The following SCN11A variants were observed in gnomAD, a reference collection of about 807,000 sequenced individuals.
SCN11A encodes the protein sodium channel protein type 11 subunit alpha.
SCN11A carries 122 observed loss-of-function variants against 162.2 expected under a neutral mutation model. That is an observed-to-expected ratio of 0.75 (90% CI 0.65 to 0.87). The LOEUF (loss-of-function observed/expected upper bound fraction) is 0.87. Ranked by LOEUF, SCN11A falls within the 40% of genes least tolerant of loss-of-function variation. SCN11A has a pLI of 0.00. For synonymous variants in SCN11A, 758 were observed against 751.5 expected (o/e 1.01, Z -0.14); for missense variants, 2,015 against 2,181.6 (o/e 0.92, Z 1.52).
chr3:38,995,367 G>T (rs553932310), intron 2 of SCN11A, among the ~76,000 whole-genome samples: 2 of 152,244 alleles, frequency 1.3e-5, no homozygotes, highest in East Asian at 3.9e-4. Flanking sequence ...TGATCCACCT[G>T]CCTCGGCCTC....
At chr3:38,924,739 C>A (rs2066110432) in intron 9 of SCN11A, among the ~76,000 whole-genome samples, 1 of 152,024 alleles carries the variant, frequency 6.6e-6, no homozygotes, top group South Asian at 2.1e-4. Flanking sequence ...AAACTCCTGG[C>A]CTCAAGTTAT....
At chr3:38,936,125 A>G (rs1383163938) in intron 7 of SCN11A, among the ~76,000 whole-genome samples, 3 of 151,658 alleles carry the variant, frequency 2.0e-5, no homozygotes, top group Non-Finnish European at 4.4e-5. Context: ...AAACCACATG[A>G]TTATCTCAAT....
intron 7 of SCN11A, among the ~76,000 whole-genome samples, chr3:38,935,033 G>A (rs369070461): frequency 0.066 from 9,997 of 151,546 alleles, 1,072 homozygotes; most frequent in African/African-American, 0.22. Context: ...ACTGTCTCTC[G>A]GACCACAGTG....
chr3:39,051,114 T>C (rs139577487), intron 1 of SCN11A, among the ~76,000 whole-genome samples: 1 of 149,692 alleles, frequency 6.7e-6, no homozygotes, highest in Non-Finnish European at 1.5e-5. Flanking sequence ...AACATCTTTT[T>C]GTCTTGTTTT....
intron 2 of SCN11A, among the ~76,000 whole-genome samples, chr3:38,985,168 C>A (rs2030191741): frequency 6.9e-6 from 1 of 144,340 alleles, no homozygotes; most frequent in African/African-American, 2.7e-5. Flanking sequence ...TGCTCTGTTG[C>A]CCAGGCTGGA....
In SCN11A at chr3:38,896,848, A is replaced by T; in HGVS notation, c.2400T>A (p.Leu800=). 1.3e-6 allele frequency: 2 copies of T among 1,529,270 alleles called. No individual in the cohort carries two copies. The highest frequency in any genetic ancestry group is 1.8e-6 in the Non-Finnish European group (2 of 1,137,022). The allele number at this position is 1,529,270 out of a possible 1,614,324, so 94.7% of individuals were successfully genotyped here. Residue 800 remains leucine (L), a synonymous_variant, in exon 18 of 30, where the codon CTT becomes CTA. Transcript: ENST00000302328. ...GAAAAAAATCTAAGACACATACCAC[A>T]AGTTTTCCTATCACCGTGATCAATA... ...VFILITVIGK[L]VVLNLFIALL...
At chr3:39,002,550 ACCATGGAGGCT>A (rs986759551) in intron 2 of SCN11A, among the ~76,000 whole-genome samples, 6 of 152,250 alleles carry the variant, frequency 3.9e-5, no homozygotes, top group Non-Finnish European at 8.8e-5. Flanking sequence ...GATCACACAA[ACCATGGAGGCT>A]CCAACTGACA....
chr3:38,946,554 C>A (rs1326576849), intron 6 of SCN11A, among the ~76,000 whole-genome samples: 3 of 152,210 alleles, frequency 2.0e-5, no homozygotes, highest in African/African-American at 7.2e-5. Flanking sequence ...CACGACCAAT[C>A]TCACTAAAGA....
At chr3:38,885,242 C>A (rs764712933) in intron 21 of SCN11A, 46 bp downstream of exon 21, 51 of 1,062,500 alleles carry the variant, frequency 4.8e-5, no homozygotes, top group Non-Finnish European at 7.2e-5. Context: ...AACAGAAACC[C>A]CATCCAAAGA....
chr3:38,849,029 T>C (rs527737911), intron 29 of SCN11A, among the ~76,000 whole-genome samples: 14 of 152,348 alleles, frequency 9.2e-5, no homozygotes, highest in Non-Finnish European at 1.9e-4. Context: ...TGGCTTAATA[T>C]GTAGATTTTC....
At chr3:38,949,433 C>T (rs1289649948) in intron 5 of SCN11A, among the ~76,000 whole-genome samples, 1 of 152,216 alleles carries the variant, frequency 6.6e-6, no homozygotes, top group Non-Finnish European at 1.5e-5. Context: ...ATTGAGTTTA[C>T]ATAGAATCTG....
At chr3:38,938,542 ATATATATATTTTTTTTTTT>A (rs1175227494) in intron 7 of SCN11A, among the ~76,000 whole-genome samples, 5 of 23,140 alleles carry the variant, frequency 2.2e-4, no homozygotes, top group Non-Finnish European at 3.7e-4. Context: ...ATATATATAT[ATATATATATTTTTTTTTTT>A]TTTTTTTTTT....
At chr3:38,944,088 G>A (rs1217168493) in intron 7 of SCN11A, among the ~76,000 whole-genome samples, 1 of 152,070 alleles carries the variant, frequency 6.6e-6, no homozygotes, top group African/African-American at 2.4e-5. Flanking sequence ...CCTGAAATGT[G>A]TACAATTATT....
In SCN11A at chr3:39,038,856, C is replaced by T. The variant is rs568276683; in HGVS notation, c.-403-6353G>A. On this transcript the variant is annotated intron_variant, in intron 1 of 29. Transcript: ENST00000302328. Reference sequence around the variant, plus strand: ...AGAATACATGAAACATTAAAAAATACATAAACAAGATGACAACTCTCATTT... The same window carrying T: ...AGAATACATGAAACATTAAAAAATATATAAACAAGATGACAACTCTCATTT... Among the ~76,000 whole-genome samples, 45 of 152,230 alleles carry T rather than the reference C, an allele frequency of 3.0e-4. 1 individual carries two copies. The South Asian group carries it at 9.3e-3, about 32-fold the overall frequency.
chr3:38,877,062 G>GGT lies in SCN11A; in HGVS notation c.3393+2886_3393+2887dup, dbSNP rs2065222681. The stretch of plus-strand genomic sequence containing the variant: ...TATATGGTGTATATACTATATATAT[G>GGT]GTATATATATGGTGTATATACTATA... On this transcript the variant is annotated intron_variant, in intron 23 of 29. Transcript: ENST00000302328. Among the ~76,000 whole-genome samples the GGT allele has an allele frequency of 7.5e-5, 9 of 120,506 alleles. 1 individual carries two copies. The highest frequency in any genetic ancestry group is 2.9e-4 in the African/African-American group (9 of 30,750). The allele number at this position is 120,506 out of a possible 152,430, so 79.1% of individuals were successfully genotyped here. A position where few individuals can be genotyped will look rare whatever the true frequency, so the allele number is the denominator to read the frequency against.
chr3:38,902,871 TCA>T (rs2065725602), intron 16 of SCN11A, among the ~76,000 whole-genome samples: 1 of 137,142 alleles, frequency 7.3e-6, no homozygotes, highest in Non-Finnish European at 1.6e-5. Flanking sequence ...TAAAAAGACA[TCA>T]CAAAAAAAAA....
Position 38,908,016 on chromosome 3 carries a change from A to G in SCN11A, c.1406T>C (p.Phe469Ser), listed in dbSNP as rs542261389. 6.2e-7 allele frequency: 1 copy of G among 1,613,626 alleles called. No individual in the cohort carries two copies. Among genetic ancestry groups the G allele is most frequent in the African/African-American group, 1.3e-5 (1 of 75,006 alleles). ...GTCTTTCCCAGACTCTCTCAAAAAG[A>G]AGGACTTCCTTTTCTTATTACCAAA... Reference protein sequence around the residue: ...KLFGNKKRKSFFLRESGKDQP... With the variant: ...KLFGNKKRKSSFLRESGKDQP... Residue 469 changes from phenylalanine (F) to serine (S), a missense_variant, in exon 14 of 30, where the codon TTC becomes TCC. By Grantham distance (155) the Phe-to-Ser change is radical. Coordinates refer to ENST00000302328, the MANE Select transcript of SCN11A (RefSeq NM_001349253.2).
intron 2 of SCN11A, among the ~76,000 whole-genome samples, 123 bp from the exon 3 acceptor site, chr3:38,960,546 C>A (rs967116070): frequency 6.6e-6 from 1 of 152,210 alleles, no homozygotes; most frequent in African/African-American, 2.4e-5. Context: ...ACTTTGGAAG[C>A]ATCTGCCTTT....
intron 5 of SCN11A, among the ~76,000 whole-genome samples, chr3:38,947,302 G>C (rs1472408645): frequency 6.6e-6 from 1 of 152,120 alleles, no homozygotes; most frequent in East Asian, 1.9e-4. Flanking sequence ...TGACCTAAAG[G>C]GTCCATGTTT....
Sources: gnomAD v4.1 joint callset for allele counts (sites outside exome capture counted in the v4.1 genomes callset) on GRCh38, gnomAD v4.1.1 for gene constraint, MANE v1.5 for transcripts, NCBI Gene and HGNC (gene_info 2026-07-23, HGNC 2026-07-21) for gene names.